The following MYT1 variants were observed in gnomAD, a reference collection of about 807,000 sequenced individuals.
MYT1 encodes the protein myelin transcription factor 1.
In MYT1, 23 loss-of-function variants were observed where a neutral mutation model predicts 123.0. That is an observed-to-expected ratio of 0.19 (90% CI 0.13 to 0.26). The LOEUF (loss-of-function observed/expected upper bound fraction) is 0.26. Ranked by LOEUF, MYT1 falls within the 10% of genes least tolerant of loss-of-function variation. The pLI, the probability that MYT1 is intolerant of heterozygous loss-of-function variation, is 1.00. For missense variants in MYT1, 1,125 were observed against 1,472.5 expected, an observed-to-expected ratio of 0.76 and a Z score of 3.86; for synonymous variants, 518 against 575.3, an observed-to-expected ratio of 0.90 and a Z score of 1.43.
At chr20:64,180,797 G>A (rs546739772) in intron 1 of MYT1, among the ~76,000 whole-genome samples, 8 of 152,288 alleles carry the variant, frequency 5.3e-5, no homozygotes, top group Admixed American at 1.3e-4. Flanking sequence ...TTTCGCTGGT[G>A]GACCAAACAG....
chr20:64,201,878 A>G (rs1983314212), intron 4 of MYT1, among the ~76,000 whole-genome samples: 4 of 144,500 alleles, frequency 2.8e-5, no homozygotes, highest in Admixed American at 2.7e-4. Context: ...ACAGACACAG[A>G]GTCACCTGTC....
rs1228353303 is a variant in MYT1, at chr20:64,208,064, G to A, written c.868G>A (p.Glu290Lys). The A allele has an allele frequency of 6.2e-7, 1 of 1,604,292 alleles. No homozygotes were observed. Among genetic ancestry groups the A allele is most frequent in the Admixed American group, 1.7e-5 (1 of 59,532 alleles). The stretch of plus-strand genomic sequence containing the variant: ...GGAGGAGGAAGAGGAAGAGGAGGAG[G>A]AGGAAGAGGAAGAGGAGGAGGAAGA... ...EEEEEEEEEEEEEEEEEEEEE... is the reference protein window; with the variant it reads ...EEEEEEEEEEKEEEEEEEEEE... Residue 290 changes from glutamate (E) to lysine (K), a missense_variant, in exon 7 of 23, where the codon GAG becomes AAG. Physicochemically the swap from Glu to Lys is moderately conservative, Grantham distance 56. Transcript: ENST00000328439. The surrounding 1 kb of genome is among the most constrained non-coding windows in gnomAD (Gnocchi z 5.4).
At chr20:64,240,107 G>C (rs1752712003) in intron 22 of MYT1, among the ~76,000 whole-genome samples, 1 of 152,212 alleles carries the variant, frequency 6.6e-6, no homozygotes, top group African/African-American at 2.4e-5. Flanking sequence ...CTGCCATAAA[G>C]AGTAGCTAAT....
At chr20:64,209,115 G>A (rs1438709364) in intron 7 of MYT1, among the ~76,000 whole-genome samples, 3 of 152,168 alleles carry the variant, frequency 2.0e-5, no homozygotes, top group Non-Finnish European at 2.9e-5. Flanking sequence ...GGGCTGACGT[G>A]GTTGGGGAGC....
At position 64,186,167 on chromosome 20, in the gene MYT1, TA is replaced by T. The variant is rs1347287039; in HGVS notation, c.-98-3892del. Among the ~76,000 whole-genome samples the T allele has an allele frequency of 6.6e-6, 1 of 151,974 alleles. No individual in the cohort carries two copies. Among genetic ancestry groups the T allele is most frequent in the Non-Finnish European group, 1.5e-5 (1 of 67,970 alleles). On this transcript the variant is annotated intron_variant, in intron 1 of 22. Coordinates refer to ENST00000328439, the MANE Select transcript of MYT1 (RefSeq NM_004535.3). This position sits in a 1 kb window ranked among gnomAD's most constrained non-coding sequence, Gnocchi z 4.3. ...AGTTTTTCTGCCCACAAGAGCCCCATAAAAGTGAGTGTGGGGCCACCATGGG... is the reference window on the plus strand; with the variant it reads ...AGTTTTTCTGCCCACAAGAGCCCCATAAAGTGAGTGTGGGGCCACCATGGG...
At chr20:64,220,025 A>G (rs2145724402) in intron 13 of MYT1, 43 bp downstream of exon 13, 2 of 1,437,930 alleles carry the variant, frequency 1.4e-6, no homozygotes, top group Non-Finnish European at 1.8e-6. Flanking sequence ...GGCTGCAGCC[A>G]GCTTGCCCTG....
intron 19 of MYT1, 61 bp from the exon 20 acceptor site, chr20:64,236,494 C>T (rs940992297): frequency 3.8e-5 from 54 of 1,407,604 alleles, no homozygotes; most frequent in Non-Finnish European, 4.6e-5. Context: ...GGTATGTGAC[C>T]CTGGGATGGT....
At chr20:64,195,020 C>G (rs1186128654) in intron 2 of MYT1, among the ~76,000 whole-genome samples, 1 of 152,094 alleles carries the variant, frequency 6.6e-6, no homozygotes, top group African/African-American at 2.4e-5. Context: ...CTCAGCCTCC[C>G]AGGTAGCTGG....
Position 64,217,182 on chromosome 20 carries a change from G to A in MYT1, c.1747G>A (p.Val583Ile), listed in dbSNP as rs1202592652. The change falls in exon 11 of 23, where the codon GTC (valine) becomes ATC (isoleucine). Residue 583 changes from valine to isoleucine, a missense_variant. Around this residue, in one of 4 missense-constraint regions of MYT1, gnomAD observed 429 missense variants for 604.1 expected, o/e 0.71. Transcript: ENST00000328439. ...CAAGGAGCTGGAGAAGTTCTCCAAGGTCACCTTTGACTACGCAAGTTTCGA... is the reference window on the plus strand; with the variant it reads ...CAAGGAGCTGGAGAAGTTCTCCAAGATCACCTTTGACTACGCAAGTTTCGA... Reference protein sequence around the residue: ...LAKELEKFSKVTFDYASFDAQ... With the variant: ...LAKELEKFSKITFDYASFDAQ... 4 of 1,614,266 alleles carry A rather than the reference G, an allele frequency of 2.5e-6. No individual in the cohort carries two copies. The highest frequency in any genetic ancestry group is 1.7e-6 in the Non-Finnish European group (2 of 1,180,054).
At chr20:64,177,600 T>C (rs1321164441) in intron 1 of MYT1, among the ~76,000 whole-genome samples, 7 of 138,294 alleles carry the variant, frequency 5.1e-5, no homozygotes, top group African/African-American at 1.4e-4. Flanking sequence ...TCTCCAGGGG[T>C]GGGGACATGA....
intron 19 of MYT1, among the ~76,000 whole-genome samples, chr20:64,234,739 C>T (rs1180106784): frequency 1.4e-5 from 2 of 146,100 alleles, no homozygotes; most frequent in African/African-American, 2.5e-5. Context: ...CTGGGCTGGC[C>T]GTGGTATGTG....
Position 64,166,268 on chromosome 20 carries a change from G to A in MYT1, c.-99+1529G>A, listed in dbSNP as rs1982080100. On this transcript the variant is annotated intron_variant, in intron 1 of 22. Transcript: ENST00000328439. This position sits in a 1 kb window ranked among gnomAD's most constrained non-coding sequence, Gnocchi z 4.9. ...TCCCTCGGTAGCTGTTCCTTGTGCA[G>A]AGGAGGCTGGGTCAGGGCTTAGAGG... is the stretch of plus-strand genomic sequence containing the variant. Among the ~76,000 whole-genome samples the A allele has an allele frequency of 6.6e-6, 1 of 152,214 alleles. No homozygotes were observed. The highest frequency in any genetic ancestry group is 2.1e-4 in the South Asian group (1 of 4,832).
At chr20:64,170,848 CATATATATATATATAT>C (rs1175817263) in intron 1 of MYT1, among the ~76,000 whole-genome samples, 10 of 16,030 alleles carry the variant, frequency 6.2e-4, no homozygotes, top group East Asian at 1.7e-3. Flanking sequence ...ACAAATTGGT[CATATATATATATATAT>C]ATATATATAT....
chr20:64,187,423 A>T (rs1356016517), intron 1 of MYT1, among the ~76,000 whole-genome samples: 1 of 146,026 alleles, frequency 6.8e-6, no homozygotes, highest in Non-Finnish European at 1.5e-5. Context: ...GTTTCTGTGG[A>T]GAGTTTTCCT....
At chr20:64,184,367 C>T (rs947614936) in intron 1 of MYT1, among the ~76,000 whole-genome samples, 30 of 151,494 alleles carry the variant, frequency 2.0e-4, no homozygotes, top group African/African-American at 6.8e-4. Context: ...TGTCCTGGCA[C>T]GTTTGTTGAA....
Position 64,211,347 on chromosome 20 carries a change from AG to A in MYT1, c.1426+8del, listed in dbSNP as rs762250523. The A allele has an allele frequency of 8.7e-6, 14 of 1,609,612 alleles. No homozygotes were observed. Among genetic ancestry groups the A allele is most frequent in the African/African-American group, 1.3e-5 (1 of 75,018 alleles). Reference sequence around the variant, plus strand: ...GATAGGATCCCCCCAGAGAGTGAGTAGCTCTGTGCAGCGTTAGCCCTAACTG... The same window carrying A: ...GATAGGATCCCCCCAGAGAGTGAGTACTCTGTGCAGCGTTAGCCCTAACTG... On this transcript the variant is annotated splice_region_variant and intron_variant, in intron 8 of 22. Coordinates refer to ENST00000328439, the MANE Select transcript of MYT1 (RefSeq NM_004535.3).
chr20:64,184,839 C>A (rs78504670), intron 1 of MYT1, among the ~76,000 whole-genome samples: 12,714 of 152,196 alleles, frequency 0.084, 615 homozygotes, highest in Middle Eastern at 0.15. Flanking sequence ...TTGTGGGCAG[C>A]GAGGAAGCAA....
In MYT1 at chr20:64,193,629, A is replaced by C. The variant is rs1339058051; in HGVS notation, c.-1+3469A>C. 6.6e-6 allele frequency among the ~76,000 whole-genome samples: 1 copy of C among 152,074 alleles called. No individual in the cohort carries two copies. Among genetic ancestry groups the C allele is most frequent in the Non-Finnish European group, 1.5e-5 (1 of 68,000 alleles). Reference sequence around the variant, plus strand: ...GTGTGAGGTACTGCTGGAGCCAGGCAGGGTAGGGGACAGCCAGTTTCTGGC... The same window carrying C: ...GTGTGAGGTACTGCTGGAGCCAGGCCGGGTAGGGGACAGCCAGTTTCTGGC... On this transcript the variant is annotated intron_variant, in intron 2 of 22. Transcript: ENST00000328439. This position sits in a 1 kb window ranked among gnomAD's most constrained non-coding sequence, Gnocchi z 4.0.
intron 4 of MYT1, among the ~76,000 whole-genome samples, chr20:64,201,109 T>A (rs1983284910): frequency 6.6e-6 from 1 of 152,018 alleles, no homozygotes; most frequent in East Asian, 1.9e-4. Flanking sequence ...GAGGGTGCAG[T>A]GAGTGAGGCA....
Sources: gnomAD v4.1 joint callset for allele counts (sites outside exome capture counted in the v4.1 genomes callset) on GRCh38, gnomAD v4.1.1 for gene constraint, gnomAD v4.1.1 regional missense constraint, Gnocchi (gnomAD v3.1) non-coding constraint, MANE v1.5 for transcripts, NCBI Gene and HGNC (gene_info 2026-07-23, HGNC 2026-07-21) for gene names.